Variants in MECOM observed in about 807,000 individuals in gnomAD.
MECOM encodes the protein MDS1 and EVI1 complex locus.
In MECOM, 13 loss-of-function variants were observed where a neutral mutation model predicts 116.3. The ratio of observed to expected loss-of-function variants is 0.11; its 90% CI spans 0.07 to 0.18. The LOEUF (loss-of-function observed/expected upper bound fraction) is 0.18. MECOM is among the 10% of genes least tolerant of loss of function. The pLI is 1.00. For synonymous variants in MECOM, 528 were observed against 535.2 expected (o/e 0.99, Z 0.19); for missense variants, 1,299 against 1,509.0 (o/e 0.86, Z 2.31).
intron 1 of MECOM, among the ~76,000 whole-genome samples, chr3:169,547,422 C>G (rs951452465): frequency 6.6e-6 from 1 of 152,124 alleles, no homozygotes; most frequent in Non-Finnish European, 1.5e-5. Flanking sequence ...TGAGAATGGT[C>G]TAATACATTA....
intron 1 of MECOM, among the ~76,000 whole-genome samples, chr3:169,662,539 C>T (rs2110148555): frequency 6.6e-6 from 1 of 152,228 alleles, no homozygotes; most frequent in African/African-American, 2.4e-5. Flanking sequence ...CTGCGCGTGG[C>T]TGTGCGGAGC....
intron 2 of MECOM, among the ~76,000 whole-genome samples, chr3:169,244,794 C>T (rs571725728): frequency 3.7e-4 from 56 of 152,210 alleles, no homozygotes; most frequent in Non-Finnish European, 7.6e-4. Flanking sequence ...TAGTAACTTC[C>T]AACTCCAGAT....
intron 2 of MECOM, among the ~76,000 whole-genome samples, chr3:169,178,227 C>G (rs1007349937): frequency 6.6e-6 from 1 of 152,022 alleles, no homozygotes; most frequent in East Asian, 1.9e-4. Context: ...AGGAACTGAG[C>G]GAAGAATGTA....
chr3:169,439,713 T>C (rs2108603376), intron 1 of MECOM, among the ~76,000 whole-genome samples: 1 of 152,324 alleles, frequency 6.6e-6, no homozygotes, highest in Middle Eastern at 3.4e-3. Context: ...GACATGCCAA[T>C]TCCAGTCTTG....
chr3:169,289,299 G>C (rs1435239450), intron 2 of MECOM, among the ~76,000 whole-genome samples: 2 of 152,270 alleles, frequency 1.3e-5, no homozygotes, highest in African/African-American at 4.8e-5. Flanking sequence ...GAACCTCCTC[G>C]TGGATTGTTC....
At chr3:169,561,861 C>T (rs1340366508) in intron 1 of MECOM, among the ~76,000 whole-genome samples, 1 of 151,880 alleles carries the variant, frequency 6.6e-6, no homozygotes, top group South Asian at 2.1e-4. Context: ...CAATGAGCAC[C>T]TAGGCTGGGC....
rs147187336 is a variant in MECOM at position 169,414,523 on chromosome 3, C to T, written c.38-32999G>A. On this transcript the variant is annotated intron_variant, in intron 1 of 16. Coordinates refer to ENST00000651503, the MANE Select transcript of MECOM (RefSeq NM_004991.4). Reference sequence around the variant, plus strand: ...TCACCAGCAAGAGAACAAAACTGGACGGAGAATGAGTTTGATGAATTGACA... The same window carrying T: ...TCACCAGCAAGAGAACAAAACTGGATGGAGAATGAGTTTGATGAATTGACA... Among the ~76,000 whole-genome samples the T allele has an allele frequency of 9.2e-4, 140 of 152,186 alleles. 1 individual carries two copies. In the East Asian group the frequency reaches 0.023, roughly 25 times the overall value.
chr3:169,273,806 G>T (rs1448049156), intron 2 of MECOM, among the ~76,000 whole-genome samples: 1 of 151,898 alleles, frequency 6.6e-6, no homozygotes, highest in African/African-American at 2.4e-5. Flanking sequence ...AACCCTTGAA[G>T]AGGATGGTTT....
chr3:169,659,942 C>T lies in MECOM; in HGVS notation c.37+3394G>A, dbSNP rs553693101. On this transcript the variant is annotated intron_variant, in intron 1 of 16. Transcript: ENST00000651503. The stretch of plus-strand genomic sequence containing the variant: ...CTTGCCGCGGTCTTGCTAATCGCAT[C>T]GCCTTTTGAGACTTTACGAGACTTC... Among the ~76,000 whole-genome samples, 58 of 152,206 alleles carry T rather than the reference C, an allele frequency of 3.8e-4. No homozygotes were observed. In the South Asian group the frequency reaches 0.011, roughly 28 times the overall value.
At chr3:169,510,498 C>T (rs1038590237) in intron 1 of MECOM, among the ~76,000 whole-genome samples, 1 of 152,218 alleles carries the variant, frequency 6.6e-6, no homozygotes, top group African/African-American at 2.4e-5. Flanking sequence ...GCACTTAGAA[C>T]ACAATGCGAG....
intron 1 of MECOM, among the ~76,000 whole-genome samples, chr3:169,629,295 A>G (rs1360933923): frequency 6.6e-6 from 1 of 152,152 alleles, no homozygotes; most frequent in Non-Finnish European, 1.5e-5. Context: ...AATACCATGC[A>G]GACAATGTGG....
chr3:169,343,439 G>A (rs566269104), intron 2 of MECOM, among the ~76,000 whole-genome samples: 1 of 152,212 alleles, frequency 6.6e-6, no homozygotes, highest in Admixed American at 6.5e-5. Context: ...AAGGAAGAAG[G>A]CCACTGCTGC....
chr3:169,090,053 A>G lies in MECOM; in HGVS notation c.3348T>C (p.Asp1116=), dbSNP rs1172891835. ...TSNLHEGNPE[D]DYEETSALEM... ...CCAGGGCACTGGTTTCTTCATAGTC[A>G]TCCTCAGGGTTTCCTTCATGTAAAT... Residue 1116 remains aspartate, a synonymous_variant, in exon 15 of 17, where the codon GAT becomes GAC. Coordinates refer to ENST00000651503, the MANE Select transcript of MECOM (RefSeq NM_004991.4). 1.2e-6 allele frequency: 2 copies of G among 1,613,608 alleles called. No homozygotes were observed. Among genetic ancestry groups the G allele is most frequent in the South Asian group, 1.1e-5 (1 of 91,062 alleles).
chr3:169,595,659 T>C (rs1346568708), intron 1 of MECOM, among the ~76,000 whole-genome samples: 2 of 152,210 alleles, frequency 1.3e-5, no homozygotes, highest in East Asian at 3.8e-4. Flanking sequence ...TAAATGCTTT[T>C]CTTATTTTTG....
At chr3:169,483,770 T>A in intron 1 of MECOM, 1 of 1,610,654 alleles carries the variant, frequency 6.2e-7, no homozygotes, top group Non-Finnish European at 8.5e-7. Context: ...ACCAGTCACG[T>A]AGATTATTCT....
At chr3:169,644,018 C>A (rs1214951770) in intron 1 of MECOM, among the ~76,000 whole-genome samples, 1 of 151,972 alleles carries the variant, frequency 6.6e-6, no homozygotes, top group Non-Finnish European at 1.5e-5. Context: ...GAAAAACTTA[C>A]CCTCATCTTC....
At chr3:169,497,174 G>C (rs972781439) in intron 1 of MECOM, among the ~76,000 whole-genome samples, 37 of 151,980 alleles carry the variant, frequency 2.4e-4, no homozygotes, top group Non-Finnish European at 7.4e-5. Flanking sequence ...TTGACTCCTT[G>C]CTTCCCACTT....
chr3:169,277,774 C>G (rs1759788661), intron 2 of MECOM, among the ~76,000 whole-genome samples: 1 of 152,130 alleles, frequency 6.6e-6, no homozygotes, highest in African/African-American at 2.4e-5. Flanking sequence ...CAAGGGGTCC[C>G]AGATGTGAAC....
intron 1 of MECOM, among the ~76,000 whole-genome samples, chr3:169,537,794 T>TA (rs1452248046): frequency 6.6e-6 from 1 of 151,452 alleles, no homozygotes; most frequent in Non-Finnish European, 1.5e-5. Context: ...AAAAACAAAG[T>TA]AAAAAAATAA....
Sources: gnomAD v4.1 joint callset for allele counts (sites outside exome capture counted in the v4.1 genomes callset) on GRCh38, gnomAD v4.1.1 for gene constraint, MANE v1.5 for transcripts, NCBI Gene and HGNC (gene_info 2026-07-23, HGNC 2026-07-21) for gene names.